Variants in ABCC9 observed in about 807,000 individuals in gnomAD.
ABCC9 encodes the protein ATP-binding cassette sub-family C member 9.
A neutral mutation model predicts 188.3 loss-of-function variants in ABCC9; 95 were observed. The ratio of observed to expected loss-of-function variants is 0.50; its 90% confidence interval spans 0.43 to 0.60. ABCC9 has a LOEUF of 0.60. Among genes scored for constraint, ABCC9 ranks in the 20% least tolerant of loss-of-function variants. ABCC9 has a pLI of 0.00. For missense variants in ABCC9, 1,102 were observed against 1,876.3 expected (o/e 0.59, Z 7.62); for synonymous variants, 659 against 652.7 (o/e 1.01, Z -0.15).
At chr12:21,888,074 A>G in intron 14 of ABCC9, 140 bp from the exon 15 acceptor site, 1 of 697,622 alleles carries the variant, frequency 1.4e-6, no homozygotes, top group Non-Finnish European at 2.6e-6. Context: ...CCAACTGGGA[A>G]TTCAGCTAGA....
chr12:21,808,778 C>CAAAA (rs34314026), intron 37 of ABCC9, among the ~76,000 whole-genome samples: 7 of 80,476 alleles, frequency 8.7e-5, no homozygotes, highest in Non-Finnish European at 1.2e-4. Flanking sequence ...GAACTTGTCT[C>CAAAA]AAAAAAAAAA....
In ABCC9 at chr12:21,845,603, CT is replaced by C. The variant is rs1944620270; in HGVS notation, c.3095del (p.Gln1032ArgfsTer26). ...AAAAACAAAACCGAACCAATTGTAC[CT>C]GATCAGCTTTTCCAGTATTGTTTAT... ...YSINNTGKAD[Q>X]TYYVAGFSIL... On this transcript the variant is annotated frameshift_variant and splice_region_variant, in exon 26 of 40. Coordinates refer to ENST00000261200, the MANE Select transcript of ABCC9 (RefSeq NM_020297.4). LOFTEE classifies it high-confidence loss of function. The C allele has an allele frequency of 1.2e-6, 2 of 1,612,594 alleles. No homozygotes were observed.
intron 15 of ABCC9, among the ~76,000 whole-genome samples, chr12:21,886,185 T>A (rs546180895): frequency 5.3e-4 from 80 of 152,258 alleles, no homozygotes; most frequent in Non-Finnish European, 7.8e-4. Flanking sequence ...TAAATTTATA[T>A]CTCCAATGCT....
chr12:21,816,881 A>C (rs1347155464), intron 33 of ABCC9, among the ~76,000 whole-genome samples: 3 of 152,206 alleles, frequency 2.0e-5, no homozygotes, highest in Non-Finnish European at 4.4e-5. Flanking sequence ...TAAGTTAATA[A>C]CGTCTTGAGA....
At chr12:21,876,582 C>T (rs1190002180) in intron 16 of ABCC9, among the ~76,000 whole-genome samples, 4 of 152,134 alleles carry the variant, frequency 2.6e-5, no homozygotes, top group African/African-American at 9.7e-5. Flanking sequence ...ACCTTCTATT[C>T]ATCCCACACA....
intron 16 of ABCC9, 45 bp from the exon 17 acceptor site, chr12:21,875,771 A>G (rs749282714): frequency 2.1e-6 from 3 of 1,443,894 alleles, no homozygotes; most frequent in African/African-American, 2.8e-5. Flanking sequence ...TGTGGTATCA[A>G]TGAATAATTC....
chr12:21,937,363 G>A (rs1026374678), intron 2 of ABCC9, among the ~76,000 whole-genome samples: 1 of 152,138 alleles, frequency 6.6e-6, no homozygotes, highest in African/African-American at 2.4e-5. Context: ...AGTTTGAAAC[G>A]CAGGATGTCT....
chr12:21,815,477 GATGGCTATT>G (rs1309147552), intron 34 of ABCC9, among the ~76,000 whole-genome samples: 1 of 152,050 alleles, frequency 6.6e-6, no homozygotes, highest in Non-Finnish European at 1.5e-5. Context: ...TTCCCAAGGG[GATGGCTATT>G]ATGGCCAGGA....
chr12:21,915,458 G>GTATATA (rs2137914956), intron 7 of ABCC9, among the ~76,000 whole-genome samples: 1 of 69,460 alleles, frequency 1.4e-5, no homozygotes, highest in South Asian at 5.3e-4. Context: ...GTATATATGT[G>GTATATA]TGTATATGTG....
rs1170104691 is a variant in ABCC9 at position 21,818,720 on chromosome 12, C to G, written c.3670-469G>C. ...AGCAGTTATTTTTGGACCCGGTTTT[C>G]TAGCTCAGATTTCATGTGTGCTTAT... On this transcript the variant is annotated intron_variant, in intron 31 of 39. Transcript: ENST00000261200. Among the ~76,000 whole-genome samples the G allele has an allele frequency of 4.3e-5, 6 of 138,058 alleles. No individual in the cohort carries two copies. The South Asian group carries it at 9.1e-4, about 21-fold the overall frequency. 90.6% of individuals were successfully genotyped at this position (138,058 alleles called of 152,430 possible). A position where few individuals can be genotyped will look rare whatever the true frequency, so the allele number is the denominator to read the frequency against.
At chr12:21,893,617 A>G (rs1393156160) in intron 14 of ABCC9, among the ~76,000 whole-genome samples, 2 of 152,182 alleles carry the variant, frequency 1.3e-5, no homozygotes, top group Non-Finnish European at 2.9e-5. Context: ...CATCAGAGAA[A>G]AGTTTACAGA....
intron 4 of ABCC9, among the ~76,000 whole-genome samples, chr12:21,932,066 C>T (rs1949311441): frequency 2.0e-5 from 3 of 151,984 alleles, no homozygotes; most frequent in African/African-American, 7.2e-5. Flanking sequence ...TTAGACTTTC[C>T]TATCAAAAAA....
chr12:21,811,637 T>C (rs1000535453), intron 36 of ABCC9, among the ~76,000 whole-genome samples: 2 of 152,110 alleles, frequency 1.3e-5, no homozygotes, highest in African/African-American at 4.8e-5. Context: ...GTAGCAGCTT[T>C]ATTCATAGCA....
chr12:21,854,096 C>A (rs553255211), intron 22 of ABCC9, among the ~76,000 whole-genome samples: 1 of 152,250 alleles, frequency 6.6e-6, no homozygotes, highest in East Asian at 1.9e-4. Context: ...AACAATTCTG[C>A]AAAATTTTCA....
intron 36 of ABCC9, 45 bp downstream of exon 36, chr12:21,812,004 G>GTTA: frequency 7.2e-7 from 1 of 1,380,066 alleles, no homozygotes; most frequent in Non-Finnish European, 1.0e-6. Flanking sequence ...ATGAGTCAAA[G>GTTA]GCTAAATCCT....
chr12:21,886,722 T>C (rs767157099), intron 15 of ABCC9, among the ~76,000 whole-genome samples: 19 of 152,126 alleles, frequency 1.2e-4, no homozygotes, highest in Non-Finnish European at 1.6e-4. Flanking sequence ...TCAATCATTG[T>C]TCTCGCATCA....
Position 21,863,773 on chromosome 12 carries a change from A to G in ABCC9, c.2237+666T>C, listed in dbSNP as rs1174985268. ...GATGGGAAGGGCAGGTCAGTTTAAA[A>G]GTCAGATTTCCACAGTTAGTTCATG... On this transcript the variant is annotated intron_variant, in intron 19 of 39. Coordinates refer to ENST00000261200, the MANE Select transcript of ABCC9 (RefSeq NM_020297.4). 5.3e-5 allele frequency among the ~76,000 whole-genome samples: 8 copies of G among 152,334 alleles called. No homozygotes were observed. In the South Asian group the frequency reaches 6.2e-4, roughly 12 times the overall value.
At chr12:21,859,101 A>C (rs1329021325) in intron 22 of ABCC9, among the ~76,000 whole-genome samples, 3 of 152,194 alleles carry the variant, frequency 2.0e-5, no homozygotes, top group African/African-American at 7.2e-5. Flanking sequence ...TTTACAGATT[A>C]TGCCACAGGT....
At chr12:21,815,616 C>CTTTTTT in intron 34 of ABCC9, 147 bp downstream of exon 34, 3 of 920,232 alleles carry the variant, frequency 3.3e-6, no homozygotes, top group Admixed American at 2.1e-5. Context: ...CTATCTCTCC[C>CTTTTTT]TTTTTTCTTT....
Sources: allele counts gnomAD v4.1 joint callset (sites outside exome capture counted in the v4.1 genomes callset), GRCh38; gene constraint gnomAD v4.1.1; transcripts MANE v1.5; gene names NCBI Gene and HGNC (gene_info 2026-07-23, HGNC 2026-07-21).